Variants in TMEM132D observed in about 807,000 individuals in gnomAD.
TMEM132D encodes the protein transmembrane protein 132D.
Under a neutral mutation model 62.3 loss-of-function variants are expected in TMEM132D, and 21 were observed. The ratio of observed to expected loss-of-function variants is 0.34; its 90% confidence interval spans 0.24 to 0.49. TMEM132D has a LOEUF of 0.49. Among genes scored for constraint, TMEM132D ranks in the 20% least tolerant of loss-of-function variants. The probability of loss-of-function intolerance (pLI) is 0.99; values close to 1 mark genes in which losing one functional copy is unlikely to be tolerated. For missense variants in TMEM132D, 1,346 were observed against 1,402.8 expected (o/e 0.96, Z 0.65); for synonymous variants, 621 against 575.6 (o/e 1.08, Z -1.13).
At chr12:129,586,079 A>G (rs1374948974) in intron 2 of TMEM132D, among the ~76,000 whole-genome samples, 3 of 150,484 alleles carry the variant, frequency 2.0e-5, no homozygotes, top group African/African-American at 7.5e-5. Context: ...AACCAGGCAC[A>G]CATTGTACTG....
At chr12:129,787,948 A>G (rs11060554) in intron 1 of TMEM132D, among the ~76,000 whole-genome samples, 3,566 of 152,306 alleles carry the variant, frequency 0.023, 120 homozygotes, top group East Asian at 0.15. Flanking sequence ...CAGGCTGGAC[A>G]AGGCAGGACT....
At chr12:129,492,699 A>T (rs7957419) in intron 3 of TMEM132D, among the ~76,000 whole-genome samples, 88,350 of 151,462 alleles carry the variant, frequency 0.58, 27,191 homozygotes, top group African/African-American at 0.8. Flanking sequence ...TGACAGTACC[A>T]CCTTCTTCTT....
chr12:129,338,438 A>G (rs1355024972), intron 3 of TMEM132D, among the ~76,000 whole-genome samples: 2 of 152,216 alleles, frequency 1.3e-5, no homozygotes, highest in Non-Finnish European at 2.9e-5. Context: ...CAATTTTCCT[A>G]TAAGCATACA....
chr12:129,359,180 C>T (rs1870169522), intron 3 of TMEM132D, among the ~76,000 whole-genome samples: 1 of 152,118 alleles, frequency 6.6e-6, no homozygotes, highest in South Asian at 2.1e-4. Flanking sequence ...ACACATAGTA[C>T]AATATTGTAT....
intron 3 of TMEM132D, among the ~76,000 whole-genome samples, chr12:129,416,538 C>A (rs1360247769): frequency 6.6e-6 from 1 of 152,130 alleles, no homozygotes; most frequent in South Asian, 2.1e-4. Flanking sequence ...TTTGAATACG[C>A]TTTATTTCTT....
intron 5 of TMEM132D, among the ~76,000 whole-genome samples, chr12:129,167,642 A>G (rs2135544834): frequency 6.6e-6 from 1 of 152,092 alleles, no homozygotes; most frequent in South Asian, 2.1e-4. Context: ...CTCACTGAAG[A>G]CTATTCCTTA....
intron 5 of TMEM132D, among the ~76,000 whole-genome samples, chr12:129,134,124 G>C (rs1017622425): frequency 1.8e-4 from 26 of 142,118 alleles, no homozygotes; most frequent in African/African-American, 7.2e-4. Flanking sequence ...TGTTGTGTGT[G>C]TGTGTGTGTC....
At chr12:129,386,674 C>T (rs896011637) in intron 3 of TMEM132D, among the ~76,000 whole-genome samples, 1 of 151,290 alleles carries the variant, frequency 6.6e-6, no homozygotes, top group Non-Finnish European at 1.5e-5. Context: ...ATGCCAACAC[C>T]AACACCAATA....
At chr12:129,391,976 C>T (rs924069967) in intron 3 of TMEM132D, among the ~76,000 whole-genome samples, 2 of 152,008 alleles carry the variant, frequency 1.3e-5, no homozygotes, top group South Asian at 4.2e-4. Context: ...AGGCTGGTCT[C>T]GAACTCCTGA....
At chr12:129,125,813 T>G in intron 5 of TMEM132D, among the ~76,000 whole-genome samples, 1 of 152,306 alleles carries the variant, frequency 6.6e-6, no homozygotes, top group South Asian at 2.1e-4. Context: ...CTGTACCTGC[T>G]GCATTGAGCA....
intron 3 of TMEM132D, among the ~76,000 whole-genome samples, chr12:129,389,587 A>T (rs1871240666): frequency 6.7e-6 from 1 of 150,178 alleles, no homozygotes; most frequent in South Asian, 2.1e-4. Flanking sequence ...ACCAACACTA[A>T]CACTTAAACT....
At chr12:129,803,527 C>T (rs1871869760) in intron 1 of TMEM132D, among the ~76,000 whole-genome samples, 2 of 151,416 alleles carry the variant, frequency 1.3e-5, no homozygotes, top group Admixed American at 1.3e-4. Flanking sequence ...ATCTCTGGGA[C>T]ACATTCAAAG....
intron 3 of TMEM132D, among the ~76,000 whole-genome samples, chr12:129,375,172 C>T (rs1870748501): frequency 6.6e-6 from 1 of 152,204 alleles, no homozygotes; most frequent in Non-Finnish European, 1.5e-5. Context: ...CAGGAATGTG[C>T]CACTTTATGC....
intron 5 of TMEM132D, among the ~76,000 whole-genome samples, chr12:129,178,437 T>TG (rs973575778): frequency 1.5e-5 from 2 of 137,156 alleles, no homozygotes; most frequent in Non-Finnish European, 3.1e-5. Flanking sequence ...GCATCTGTTT[T>TG]TTTTTTTTTT....
intron 3 of TMEM132D, among the ~76,000 whole-genome samples, chr12:129,351,697 C>T (rs1869867534): frequency 6.6e-6 from 1 of 152,170 alleles, no homozygotes; most frequent in Non-Finnish European, 1.5e-5. Flanking sequence ...GCTTAGTTTA[C>T]TTGGAATGAT....
At chr12:129,433,155 A>G (rs555956334) in intron 3 of TMEM132D, among the ~76,000 whole-genome samples, 1 of 152,234 alleles carries the variant, frequency 6.6e-6, no homozygotes, top group African/African-American at 2.4e-5. Context: ...TATTCATTCT[A>G]CTGGTCATGG....
intron 5 of TMEM132D, among the ~76,000 whole-genome samples, chr12:129,174,684 C>T (rs889999140): frequency 2.6e-5 from 4 of 152,150 alleles, no homozygotes; most frequent in African/African-American, 9.7e-5. Context: ...AACTAATTTA[C>T]ACTCCCACCA....
chr12:129,232,434 C>G (rs1879667927), intron 4 of TMEM132D, among the ~76,000 whole-genome samples: 1 of 152,202 alleles, frequency 6.6e-6, no homozygotes, highest in African/African-American at 2.4e-5. Flanking sequence ...GGGAAAAACA[C>G]TCTGCACAGA....
chr12:129,094,356 G>C (rs894436189), intron 5 of TMEM132D, among the ~76,000 whole-genome samples: 2 of 152,070 alleles, frequency 1.3e-5, no homozygotes, highest in Admixed American at 6.6e-5. Context: ...ACAACCCCAT[G>C]AAAAAGTGGG....
Sources: allele counts gnomAD v4.1 joint callset (sites outside exome capture counted in the v4.1 genomes callset), GRCh38; gene constraint gnomAD v4.1.1; transcripts MANE v1.5; gene names NCBI Gene and HGNC (gene_info 2026-07-23, HGNC 2026-07-21).